The following VEPH1 variants were observed in gnomAD, a reference collection of about 807,000 sequenced individuals.
VEPH1 encodes the protein ventricular zone-expressed PH domain-containing protein homolog 1.
A neutral mutation model predicts 85.2 loss-of-function variants in VEPH1; 80 were observed. The ratio of observed to expected loss-of-function variants is 0.94; its 90% CI spans 0.78 to 1.13. The LOEUF (loss-of-function observed/expected upper bound fraction) is 1.13, where lower values mean the gene tolerates loss of function less well. Ranked by LOEUF, VEPH1 falls within the 50% of genes most tolerant of loss-of-function variation. The pLI is 0.00. For synonymous variants in VEPH1, 297 were observed against 348.0 expected, an observed-to-expected ratio of 0.85 and a Z score of 1.63; for missense variants, 955 against 980.5, an observed-to-expected ratio of 0.97 and a Z score of 0.35.
At chr3:157,423,051 A>G (rs1732470164) in intron 5 of VEPH1, among the ~76,000 whole-genome samples, 1 of 152,180 alleles carries the variant, frequency 6.6e-6, no homozygotes, top group Non-Finnish European at 1.5e-5. Flanking sequence ...AGAATACAGC[A>G]TGACTTTTCC....
Position 157,286,665 on chromosome 3 carries a change from G to T in VEPH1, c.2020C>A (p.Gln674Lys). Residue 674 changes from glutamine to lysine, a missense_variant, in exon 12 of 14, where the codon CAG becomes AAG. Physicochemically the swap from Gln to Lys is moderately conservative, Grantham distance 53. Coordinates refer to ENST00000362010, the MANE Select transcript of VEPH1 (RefSeq NM_001167912.2). The part of the protein sequence containing the change: ...STFPQQKDLD[Q>K]VQLHLEEVRF... ...ACTTCTTCCAGATGGAGCTGTACCT[G>T]GTCCAGATCCTGTGTCAGGAACACA... is the stretch of plus-strand genomic sequence containing the variant. 1.2e-6 allele frequency: 2 copies of T among 1,613,854 alleles called. No individual in the cohort carries two copies. The highest frequency in any genetic ancestry group is 1.7e-6 in the Non-Finnish European group (2 of 1,179,814).
At chr3:157,438,013 C>T (rs530786484) in intron 4 of VEPH1, 26 of 1,344,532 alleles carry the variant, frequency 1.9e-5, no homozygotes, top group Admixed American at 1.1e-4. Flanking sequence ...GGGAAGCTTT[C>T]ATGGGAAGCG....
In VEPH1 at chr3:157,447,621, G is replaced by C. The variant is rs930518183; in HGVS notation, c.529+12560C>G. 5.5e-5 allele frequency among the ~76,000 whole-genome samples: 8 copies of C among 145,164 alleles called. No homozygotes were observed. The South Asian group carries it at 1.5e-3, about 28-fold the overall frequency. The stretch of plus-strand genomic sequence containing the variant: ...TTTTTTTTTTTTTTTTTGAAATGGA[G>C]TCTCACTCTGTCTCCCAGGCTGGAG... On this transcript the variant is annotated intron_variant, in intron 4 of 13. Transcript: ENST00000362010.
chr3:157,333,674 C>CAA (rs1025576029), intron 9 of VEPH1, among the ~76,000 whole-genome samples: 1 of 152,174 alleles, frequency 6.6e-6, no homozygotes, highest in Non-Finnish European at 1.5e-5. Context: ...ACAGATTTAT[C>CAA]AAAAGTTGTA....
At chr3:157,314,183 A>G (rs149022848) in intron 10 of VEPH1, among the ~76,000 whole-genome samples, 3,566 of 151,708 alleles carry the variant, frequency 0.024, 129 homozygotes, top group African/African-American at 0.082. Flanking sequence ...ATAAAAAAAA[A>G]TTAGCCGGGC....
intron 6 of VEPH1, among the ~76,000 whole-genome samples, chr3:157,384,319 TGATA>T (rs1167705898): frequency 1.3e-5 from 2 of 152,144 alleles, no homozygotes; most frequent in African/African-American, 4.8e-5. Flanking sequence ...TTATCCTGCT[TGATA>T]TAGGGTGGTA....
At chr3:157,438,776 A>C (rs1472313405) in intron 4 of VEPH1, among the ~76,000 whole-genome samples, 3 of 152,218 alleles carry the variant, frequency 2.0e-5, no homozygotes, top group Non-Finnish European at 2.9e-5. Context: ...TAAAAGAAAG[A>C]AATAGAAGAT....
chr3:157,425,590 T>C (rs950950364), intron 5 of VEPH1, among the ~76,000 whole-genome samples: 1 of 152,190 alleles, frequency 6.6e-6, no homozygotes, highest in Non-Finnish European at 1.5e-5. Context: ...ATTTGGCCAA[T>C]TTCTCCCATT....
Position 157,260,922 on chromosome 3 carries a change from T to A in VEPH1, c.*212A>T. The stretch of plus-strand genomic sequence containing the variant: ...TTATTTTATTTTATTTTTGTGGGCA[T>A]CAGATATATTCTGAAGTCAATACTA... On this transcript the variant is annotated 3_prime_UTR_variant, in exon 14 of 14. Coordinates refer to ENST00000362010, the MANE Select transcript of VEPH1 (RefSeq NM_001167912.2). 1.7e-6 allele frequency: 1 copy of A among 592,306 alleles called. No homozygotes were observed. Among genetic ancestry groups the A allele is most frequent in the Non-Finnish European group, 2.9e-6 (1 of 348,776 alleles). 36.7% of individuals were successfully genotyped at this position (592,306 alleles called of 1,614,324 possible).
intron 3 of VEPH1, among the ~76,000 whole-genome samples, chr3:157,466,586 G>A (rs1276283287): frequency 6.6e-6 from 1 of 152,232 alleles, no homozygotes; most frequent in Non-Finnish European, 1.5e-5. Context: ...CGAGCAGGAG[G>A]TGTTGTTATC....
At chr3:157,460,036 T>G in intron 4 of VEPH1, 145 bp downstream of exon 4, 5 of 1,574,726 alleles carry the variant, frequency 3.2e-6, no homozygotes, top group Non-Finnish European at 4.3e-6. Flanking sequence ...CTTTTGCATG[T>G]TCACAGGTCA....
chr3:157,400,730 C>T (rs1048190739), intron 6 of VEPH1, among the ~76,000 whole-genome samples: 1 of 152,036 alleles, frequency 6.6e-6, no homozygotes, highest in Non-Finnish European at 1.5e-5. Context: ...TTTTTTGTTG[C>T]ACTGACCCCA....
intron 12 of VEPH1, among the ~76,000 whole-genome samples, chr3:157,282,222 C>T (rs1392926278): frequency 6.6e-6 from 1 of 151,894 alleles, no homozygotes; most frequent in Non-Finnish European, 1.5e-5. Flanking sequence ...GAGACAGGGT[C>T]TATGCTATGT....
At chr3:157,484,495 A>G (rs2109640024) in intron 2 of VEPH1, among the ~76,000 whole-genome samples, 1 of 152,350 alleles carries the variant, frequency 6.6e-6, no homozygotes, top group East Asian at 1.9e-4. Flanking sequence ...ATACTTCAGA[A>G]AACAAGAACT....
intron 13 of VEPH1, 27 bp from the exon 14 acceptor site, chr3:157,261,397 T>C (rs767520792): frequency 3.1e-6 from 5 of 1,610,100 alleles, no homozygotes; most frequent in Middle Eastern, 1.7e-4. Flanking sequence ...GAAAAGAACA[T>C]GGGCTGGCTG....
At chr3:157,443,770 A>C (rs1734328576) in intron 4 of VEPH1, 1 of 152,212 alleles carries the variant, frequency 6.6e-6, no homozygotes, top group African/African-American at 2.4e-5. Context: ...CATAAGCAAG[A>C]AATATTATCT....
chr3:157,315,649 A>T (rs2047648), intron 10 of VEPH1, among the ~76,000 whole-genome samples: 33,786 of 151,970 alleles, frequency 0.22, 4,594 homozygotes, highest in Admixed American at 0.41. Context: ...AGTGTGGAAA[A>T]AGAAAGAAAC....
In VEPH1 at chr3:157,482,874, T is replaced by C. The variant is rs572536101; in HGVS notation, c.138+12338A>G. 3.3e-5 allele frequency among the ~76,000 whole-genome samples: 5 copies of C among 152,302 alleles called. No homozygotes were observed. The South Asian group carries it at 1.0e-3, about 32-fold the overall frequency. ...AATTTTACTGAAGTCGTTTATCAGT[T>C]CTAGGACCCTTTTGGTGGTATCTGC... On this transcript the variant is annotated intron_variant, in intron 2 of 13. Coordinates refer to ENST00000362010, the MANE Select transcript of VEPH1 (RefSeq NM_001167912.2).
intron 3 of VEPH1, among the ~76,000 whole-genome samples, chr3:157,460,797 A>G (rs540011702): frequency 6.6e-6 from 1 of 152,210 alleles, no homozygotes; most frequent in Admixed American, 6.5e-5. Context: ...ATGGCACTGG[A>G]GAGTTGTAAA....
Sources: gnomAD v4.1 joint callset for allele counts (sites outside exome capture counted in the v4.1 genomes callset) on GRCh38, gnomAD v4.1.1 for gene constraint, MANE v1.5 for transcripts, NCBI Gene and HGNC (gene_info 2026-07-23, HGNC 2026-07-21) for gene names.